PIP4K2B: variants seen among roughly 807,000 people sequenced by gnomAD.
PIP4K2B encodes the protein phosphatidylinositol 5-phosphate 4-kinase type-2 beta.
Under a neutral mutation model 42.0 loss-of-function variants are expected in PIP4K2B, and 3 were observed. The ratio of observed to expected loss-of-function variants is 0.07; its 90% confidence interval spans 0.03 to 0.18. PIP4K2B has a LOEUF of 0.18. PIP4K2B is among the 10% of genes least tolerant of loss of function. The pLI is 1.00. For missense variants in PIP4K2B, 332 were observed against 562.3 expected (o/e 0.59, Z 4.14); for synonymous variants, 204 against 210.1 (o/e 0.97, Z 0.25).
At chr17:38,781,580 G>C (rs1057275009) in intron 3 of PIP4K2B, among the ~76,000 whole-genome samples, 1 of 152,110 alleles carries the variant, frequency 6.6e-6, no homozygotes, top group Non-Finnish European at 1.5e-5. Flanking sequence ...ACAGTGGTGA[G>C]ATCTCAGCTC....
intron 5 of PIP4K2B, 131 bp downstream of exon 5, chr17:38,779,252 C>A: frequency 1.2e-6 from 1 of 852,610 alleles, no homozygotes. Context: ...TCAGGCATAT[C>A]CACTCCAGAG....
At chr17:38,788,391 A>G (rs1051407549) in intron 1 of PIP4K2B, among the ~76,000 whole-genome samples, 3 of 152,050 alleles carry the variant, frequency 2.0e-5, no homozygotes, top group African/African-American at 7.2e-5. Context: ...TAGTAGAGAC[A>G]GGGTTTCACC....
chr17:38,794,353 T>C (rs1342605273), intron 1 of PIP4K2B, among the ~76,000 whole-genome samples: 1 of 151,872 alleles, frequency 6.6e-6, no homozygotes, highest in Non-Finnish European at 1.5e-5. Context: ...TTGGTAGGCA[T>C]AAAGTTTCAT....
chr17:38,787,616 G>A (rs1385980936), intron 1 of PIP4K2B, among the ~76,000 whole-genome samples: 3 of 152,064 alleles, frequency 2.0e-5, no homozygotes, highest in African/African-American at 2.4e-5. Context: ...TCTTTGAGAC[G>A]GAGTTTTGCT....
chr17:38,782,791 A>G (rs1291949981), intron 3 of PIP4K2B, among the ~76,000 whole-genome samples: 1 of 152,194 alleles, frequency 6.6e-6, no homozygotes, highest in African/African-American at 2.4e-5. Flanking sequence ...GAGGAACTAC[A>G]GTGTTAGAAA....
At chr17:38,782,208 A>G (rs576110327) in intron 3 of PIP4K2B, among the ~76,000 whole-genome samples, 189 of 152,324 alleles carry the variant, frequency 1.2e-3, no homozygotes, top group Admixed American at 1.0e-3. Context: ...CCTCTCTACC[A>G]TAAGACTTAC....
At chr17:38,790,621 G>A (rs1333964731) in intron 1 of PIP4K2B, among the ~76,000 whole-genome samples, 1 of 152,134 alleles carries the variant, frequency 6.6e-6, no homozygotes, top group Non-Finnish European at 1.5e-5. Flanking sequence ...ACCATGCCCT[G>A]CTAATTTTTG....
chr17:38,777,917 G>A (rs1426772791), intron 6 of PIP4K2B, 117 bp from the exon 7 acceptor site: 17 of 727,700 alleles, frequency 2.3e-5, no homozygotes, highest in Middle Eastern at 3.2e-4. Flanking sequence ...TCAGTGTACC[G>A]ACCCTCAACC....
chr17:38,779,294 C>T (rs1180187005), intron 5 of PIP4K2B, 89 bp downstream of exon 5: 7 of 1,327,634 alleles, frequency 5.3e-6, no homozygotes, highest in Admixed American at 3.7e-5. Context: ...TAGGCTCCAG[C>T]TTCCCAATTA....
At chr17:38,779,329 T>C (rs878921718) in intron 5 of PIP4K2B, 54 bp downstream of exon 5, 84 of 1,194,728 alleles carry the variant, frequency 7.0e-5, no homozygotes, top group East Asian at 1.5e-4. Flanking sequence ...TAGTGGCCCC[T>C]TCGGGGCTCA....
intron 7 of PIP4K2B, chr17:38,776,666 CTAT>C: frequency 6.9e-6 from 3 of 431,978 alleles, no homozygotes; most frequent in South Asian, 3.4e-5. Context: ...AAAAAAACAC[CTAT>C]TATTATATGT....
chr17:38,799,253 A>G lies in PIP4K2B; in HGVS notation c.159+13T>C, dbSNP rs1910825103. On this transcript the variant is annotated intron_variant, in intron 1 of 9. Transcript: ENST00000619039. The surrounding 1 kb of genome is among the most constrained non-coding windows in gnomAD (Gnocchi z 4.4). ...CGGGGCCGCGCTCAGAGGGGCGCGC[A>G]GGAGCTGGTTACCGTGTGGTTCACC... is the stretch of plus-strand genomic sequence containing the variant. The G allele has an allele frequency of 1.3e-6, 2 of 1,581,484 alleles. No individual in the cohort carries two copies. The highest frequency in any genetic ancestry group is 2.4e-5 in the East Asian group (1 of 42,534).
chr17:38,781,793 A>G (rs1007505822), intron 3 of PIP4K2B, among the ~76,000 whole-genome samples: 2 of 151,516 alleles, frequency 1.3e-5, no homozygotes, highest in Non-Finnish European at 2.9e-5. Context: ...CTAGGATTAC[A>G]GGTGTGAGCT....
chr17:38,797,705 G>A (rs1486283108), intron 1 of PIP4K2B, among the ~76,000 whole-genome samples: 1 of 152,192 alleles, frequency 6.6e-6, no homozygotes, highest in Non-Finnish European at 1.5e-5. Flanking sequence ...AGCAGAGAGA[G>A]GCCTGGTAGA....
chr17:38,792,522 T>C (rs1029416852), intron 1 of PIP4K2B, among the ~76,000 whole-genome samples: 1 of 152,216 alleles, frequency 6.6e-6, no homozygotes, highest in Non-Finnish European at 1.5e-5. Context: ...CTAGTTCTAG[T>C]CTGGTGAACT....
intron 1 of PIP4K2B, among the ~76,000 whole-genome samples, chr17:38,798,294 TC>T (rs1910757196): frequency 6.6e-6 from 1 of 152,164 alleles, no homozygotes; most frequent in African/African-American, 2.4e-5. Context: ...GTGTGGGGAT[TC>T]ATAAAGAAAT....
intron 1 of PIP4K2B, among the ~76,000 whole-genome samples, chr17:38,788,777 C>CAAAAATA (rs1910180738): frequency 6.6e-6 from 1 of 151,898 alleles, no homozygotes; most frequent in Non-Finnish European, 1.5e-5. Flanking sequence ...ATGGTGAAAC[C>CAAAAATA]CTATCTCTAC....
chr17:38,774,687 G>A (rs965467096), intron 7 of PIP4K2B, among the ~76,000 whole-genome samples: 10 of 151,634 alleles, frequency 6.6e-5, no homozygotes, highest in East Asian at 2.0e-4. Flanking sequence ...GGAGAATGGC[G>A]TGAACCCGGG....
At chr17:38,795,798 C>T (rs1282209901) in intron 1 of PIP4K2B, among the ~76,000 whole-genome samples, 1 of 150,846 alleles carries the variant, frequency 6.6e-6, no homozygotes. Flanking sequence ...CCAGTAAGTA[C>T]ATGAAAAAAT....
Sources: allele counts gnomAD v4.1 joint callset (sites outside exome capture counted in the v4.1 genomes callset), GRCh38; gene constraint gnomAD v4.1.1; non-coding constraint Gnocchi (gnomAD v3.1); transcripts MANE v1.5; gene names NCBI Gene and HGNC (gene_info 2026-07-23, HGNC 2026-07-21).